Variants in ADGRL2 observed in about 807,000 individuals in gnomAD.
The protein encoded by ADGRL2 is adhesion G protein-coupled receptor L2.
Under a neutral mutation model 157.4 loss-of-function variants are expected in ADGRL2, and 44 were observed. That is an observed-to-expected ratio of 0.28 (90% CI 0.22 to 0.36). ADGRL2 has a LOEUF of 0.36. Ranked by LOEUF, ADGRL2 falls within the 10% of genes least tolerant of loss-of-function variation. ADGRL2 has a pLI of 1.00. For missense variants in ADGRL2, 1,510 were observed against 1,768.9 expected (o/e 0.85, Z 2.63); for synonymous variants, 585 against 624.7 (o/e 0.94, Z 0.95).
intron 1 of ADGRL2, among the ~76,000 whole-genome samples, chr1:81,331,607 G>A (rs1661272357): frequency 6.6e-6 from 1 of 152,098 alleles, no homozygotes; most frequent in Non-Finnish European, 1.5e-5. Flanking sequence ...ATTAAGGAAA[G>A]GTCAGGTATT....
At chr1:81,698,947 G>T (rs2083501035), upstream of ADGRL2, among the ~76,000 whole-genome samples, 1 of 152,006 alleles carries the variant, frequency 6.6e-6, no homozygotes, top group Non-Finnish European at 1.5e-5. Flanking sequence ...GCTCCTTAGG[G>T]AGCAAAAATG....
chr1:81,667,172 T>C (rs879460661), intron 3 of ADGRL2, among the ~76,000 whole-genome samples: 40 of 152,192 alleles, frequency 2.6e-4, no homozygotes, highest in Admixed American at 1.3e-3. Context: ...AAATAATCCC[T>C]ACACTGGCAA....
chr1:81,406,459 G>A (rs1380699235), intron 1 of ADGRL2, among the ~76,000 whole-genome samples: 2 of 152,088 alleles, frequency 1.3e-5, no homozygotes, highest in South Asian at 2.1e-4. Flanking sequence ...GGTACAGAAC[G>A]TCCCAAGGAG....
At chr1:81,640,403 G>A (rs1015349743) in intron 3 of ADGRL2, among the ~76,000 whole-genome samples, 3 of 151,990 alleles carry the variant, frequency 2.0e-5, no homozygotes, top group African/African-American at 7.2e-5. Context: ...GAGAGGCCGA[G>A]GAAGGTGGAT....
At chr1:81,659,763 A>T (rs758258143) in intron 3 of ADGRL2, among the ~76,000 whole-genome samples, 2 of 152,214 alleles carry the variant, frequency 1.3e-5, no homozygotes, top group Non-Finnish European at 2.9e-5. Flanking sequence ...GGTTTACCAC[A>T]TTCTCATCAA....
At chr1:81,722,539 G>A in intron 1 of ADGRL2, 1 of 1,543,854 alleles carries the variant, frequency 6.5e-7, no homozygotes, top group Non-Finnish European at 8.8e-7. Context: ...TCCTGATTCA[G>A]CTCAGCCTTA....
At chr1:81,835,424 A>G (rs2092222279) in intron 1 of ADGRL2, among the ~76,000 whole-genome samples, 1 of 152,180 alleles carries the variant, frequency 6.6e-6, no homozygotes, top group Non-Finnish European at 1.5e-5. Flanking sequence ...TATGTAGAAT[A>G]ACTTTCAGGT....
intron 1 of ADGRL2, among the ~76,000 whole-genome samples, chr1:81,738,259 T>A (rs1341425757): frequency 6.6e-6 from 1 of 152,164 alleles, no homozygotes; most frequent in Non-Finnish European, 1.5e-5. Context: ...GTCCTAATTC[T>A]CATGACTGGA....
chr1:81,621,264 G>A (rs968098843), intron 3 of ADGRL2, among the ~76,000 whole-genome samples: 3 of 152,076 alleles, frequency 2.0e-5, no homozygotes, highest in African/African-American at 7.2e-5. Context: ...TGATTTGTGA[G>A]GTAGGCAGAT....
intron 1 of ADGRL2, among the ~76,000 whole-genome samples, chr1:81,316,589 T>C (rs1449419350): frequency 6.6e-6 from 1 of 152,192 alleles, no homozygotes; most frequent in Non-Finnish European, 1.5e-5. Flanking sequence ...TTAAGGAGAC[T>C]CTTGGAATTT....
intron 3 of ADGRL2, among the ~76,000 whole-genome samples, chr1:81,688,570 A>T (rs2083275184): frequency 1.3e-5 from 2 of 151,046 alleles, no homozygotes; most frequent in African/African-American, 4.9e-5. Flanking sequence ...TCCTCTCTTC[A>T]CTTATTGTGT....
chr1:81,385,968 T>C (rs1445951649), intron 1 of ADGRL2, among the ~76,000 whole-genome samples: 1 of 152,238 alleles, frequency 6.6e-6, no homozygotes, highest in East Asian at 1.9e-4. Flanking sequence ...TAGCTCGATA[T>C]GTCTCTATAA....
At chr1:81,575,412 C>G (rs1415510221) in intron 2 of ADGRL2, among the ~76,000 whole-genome samples, 1 of 152,110 alleles carries the variant, frequency 6.6e-6, no homozygotes, top group Non-Finnish European at 1.5e-5. Flanking sequence ...AAATTATGCA[C>G]ATACCCACAA....
Position 81,513,058 on chromosome 1 carries a change from T to C in ADGRL2, c.-247-67818T>C, listed in dbSNP as rs1429318185. 2.0e-5 allele frequency among the ~76,000 whole-genome samples: 3 copies of C among 152,338 alleles called. No homozygotes were observed. In the East Asian group the frequency reaches 5.8e-4, roughly 29 times the overall value. On this transcript the variant is annotated intron_variant, in intron 2 of 24. Transcript: ENST00000370721. ...TCTTGAAAAAATAAATGTATATTTTTTATATTGAGTGTGTGAAAAATTAAG... is the reference window on the plus strand; with the variant it reads ...TCTTGAAAAAATAAATGTATATTTTCTATATTGAGTGTGTGAAAAATTAAG...
At chr1:81,308,079 A>G (rs1018661878) in intron 1 of ADGRL2, among the ~76,000 whole-genome samples, 4 of 152,178 alleles carry the variant, frequency 2.6e-5, no homozygotes, top group African/African-American at 7.2e-5. Context: ...ACCGAAAAAA[A>G]AAAGGTATAT....
chr1:81,531,603 C>T (rs528472410), intron 2 of ADGRL2, among the ~76,000 whole-genome samples: 29 of 152,254 alleles, frequency 1.9e-4, no homozygotes, highest in African/African-American at 6.3e-4. Flanking sequence ...TGGGAACCCA[C>T]GTCTTAATGA....
chr1:81,364,324 T>A (rs1292346776), intron 1 of ADGRL2, among the ~76,000 whole-genome samples: 1 of 152,154 alleles, frequency 6.6e-6, no homozygotes, highest in African/African-American at 2.4e-5. Flanking sequence ...CAGTTCTTCA[T>A]AGGTATTTTC....
At chr1:81,342,115 C>T (rs1448443936) in intron 1 of ADGRL2, among the ~76,000 whole-genome samples, 1 of 152,042 alleles carries the variant, frequency 6.6e-6, no homozygotes, top group Non-Finnish European at 1.5e-5. Context: ...TGCTATAGGG[C>T]TAGAATTATA....
chr1:81,948,093 T>C (rs1650485120), intron 6 of ADGRL2, among the ~76,000 whole-genome samples: 3 of 151,808 alleles, frequency 2.0e-5, no homozygotes, highest in Admixed American at 2.0e-4. Context: ...GGTGGGTGCC[T>C]GTAGACCCAG....
Sources: gnomAD v4.1 joint callset for allele counts (sites outside exome capture counted in the v4.1 genomes callset) on GRCh38, gnomAD v4.1.1 for gene constraint, MANE v1.5 for transcripts, NCBI Gene and HGNC (gene_info 2026-07-23, HGNC 2026-07-21) for gene names.